Variants in LMO4 observed in about 807,000 individuals in gnomAD.
LMO4 encodes LIM domain transcription factor LMO4.
LMO4 carries 3 observed loss-of-function variants against 18.5 expected under a neutral mutation model. That is an observed-to-expected ratio of 0.16 (90% CI 0.07 to 0.42). The LOEUF (loss-of-function observed/expected upper bound fraction) is 0.42, where lower values mean the gene tolerates loss of function less well. Ranked by LOEUF, LMO4 falls within the 10% of genes least tolerant of loss-of-function variation. LMO4 has a pLI of 0.99. For synonymous variants in LMO4, 100 were observed against 88.1 expected (o/e 1.14, Z -0.76); for missense variants, 121 against 219.9 (o/e 0.55, Z 2.84).
rs532603256 is a variant in LMO4 at position 87,331,691 on chromosome 1, G to A, written c.-3-322G>A. On this transcript the variant is annotated intron_variant, in intron 1 of 4. Transcript: ENST00000370544. ...CGGGGGCTGGGAGGAGGTGCCGCGA[G>A]GGGTGGAGCGCGCAGCGGAGCCTGC... 2.3e-5 allele frequency: 8 copies of A among 353,072 alleles called. No individual in the cohort carries two copies. The South Asian group carries it at 4.0e-4, about 17-fold the overall frequency. The allele number at this position is 353,072 out of a possible 1,614,324, so 21.9% of individuals were successfully genotyped here. A position where few individuals can be genotyped will look rare whatever the true frequency, so the allele number is the denominator to read the frequency against.
At chr1:87,344,571 T>C (rs1650577887) in intron 4 of LMO4, among the ~76,000 whole-genome samples, 1 of 152,238 alleles carries the variant, frequency 6.6e-6, no homozygotes, top group South Asian at 2.1e-4. Flanking sequence ...CCATTTACTG[T>C]CTCATTTTCT....
chr1:87,339,297 G>C (rs1570653538), intron 2 of LMO4, among the ~76,000 whole-genome samples: 1 of 151,876 alleles, frequency 6.6e-6, no homozygotes, highest in East Asian at 1.9e-4. Context: ...TTTGCTAGAG[G>C]TGTAAGTCAA....
chr1:87,339,135 G>T (rs1478853760), intron 2 of LMO4, among the ~76,000 whole-genome samples: 2 of 152,054 alleles, frequency 1.3e-5, no homozygotes, highest in Non-Finnish European at 2.9e-5. Flanking sequence ...CCCTTTTGAT[G>T]ACTCATATCT....
intron 2 of LMO4, among the ~76,000 whole-genome samples, chr1:87,338,099 C>T (rs767018881): frequency 6.6e-5 from 10 of 152,168 alleles, no homozygotes; most frequent in Admixed American, 3.3e-4. Flanking sequence ...CTCTCCCTGT[C>T]GTTCAGTCAA....
intron 2 of LMO4, among the ~76,000 whole-genome samples, chr1:87,337,806 T>C (rs112704217): frequency 0.018 from 2,717 of 152,088 alleles, 45 homozygotes; most frequent in Middle Eastern, 0.078. Context: ...CACCGGGAGG[T>C]CCTCATCAGT....
chr1:87,330,237 A>G (rs964196881), intron 1 of LMO4, among the ~76,000 whole-genome samples: 1 of 151,976 alleles, frequency 6.6e-6, no homozygotes, highest in Non-Finnish European at 1.5e-5. Flanking sequence ...CTCACTAAAG[A>G]TGGGGGCGGG....
chr1:87,330,688 T>C (rs1161101402), intron 1 of LMO4, among the ~76,000 whole-genome samples: 4 of 152,192 alleles, frequency 2.6e-5, no homozygotes, highest in African/African-American at 4.8e-5. Context: ...AAGTTCGCCT[T>C]CTTCTGAGGT....
chr1:87,336,882 G>A (rs959777910), intron 2 of LMO4, among the ~76,000 whole-genome samples: 1 of 152,132 alleles, frequency 6.6e-6, no homozygotes, highest in Non-Finnish European at 1.5e-5. Flanking sequence ...ACTTAATTGA[G>A]CACCTAAAGC....
chr1:87,332,558 C>T (rs1407890029), intron 2 of LMO4, among the ~76,000 whole-genome samples: 1 of 152,236 alleles, frequency 6.6e-6, no homozygotes, highest in African/African-American at 2.4e-5. Flanking sequence ...TACTGGACTT[C>T]AGGCTAAAAG....
chr1:87,333,846 CTG>C (rs780110034), intron 2 of LMO4, among the ~76,000 whole-genome samples: 36 of 151,482 alleles, frequency 2.4e-4, no homozygotes, highest in Non-Finnish European at 4.3e-4. Flanking sequence ...GAAAGCAAAA[CTG>C]TGGTAAGAAA....
chr1:87,331,039 C>T lies in LMO4; in HGVS notation c.-3-974C>T, dbSNP rs956921830. Among the ~76,000 whole-genome samples, 4 of 133,828 alleles carry T rather than the reference C, an allele frequency of 3.0e-5. No homozygotes were observed. The East Asian group carries it at 7.1e-4, about 24-fold the overall frequency. 87.8% of individuals were successfully genotyped at this position (133,828 alleles called of 152,430 possible). A position where few individuals can be genotyped will look rare whatever the true frequency, so the allele number is the denominator to read the frequency against. On this transcript the variant is annotated intron_variant, in intron 1 of 4. Coordinates refer to ENST00000370544, the MANE Select transcript of LMO4 (RefSeq NM_006769.4). ...TGTGCATCCCTTAATGGTGCCTTCT[C>T]GCACATTATCTGTAACGCCGCCCGC...
chr1:87,330,189 G>C (rs1650094045), intron 1 of LMO4, among the ~76,000 whole-genome samples: 1 of 146,100 alleles, frequency 6.8e-6, no homozygotes, highest in Non-Finnish European at 1.5e-5. Flanking sequence ...TCAGTGTAAT[G>C]TTTCCTTTTC....
intron 2 of LMO4, among the ~76,000 whole-genome samples, chr1:87,334,744 A>G (rs1478444482): frequency 2.6e-5 from 4 of 152,006 alleles, no homozygotes; most frequent in African/African-American, 9.7e-5. Flanking sequence ...GGGCGCTTTC[A>G]CCAGTCCCCT....
rs375871049 is a variant in LMO4, at chr1:87,344,771, G to C, written c.490-17G>C. 3 of 1,613,532 alleles carry C rather than the reference G, an allele frequency of 1.9e-6. No homozygotes were observed. The East Asian group carries it at 6.7e-5, about 36-fold the overall frequency. On this transcript the variant is annotated splice_polypyrimidine_tract_variant and intron_variant, in intron 4 of 4. Coordinates refer to ENST00000370544, the MANE Select transcript of LMO4 (RefSeq NM_006769.4). ...ATTTAGCATTTTAGCTAAGATGCCC[G>C]TTTTTATTTCTTGCAGGTCTGCTAA...
chr1:87,331,566 CG>C (rs1650147603), intron 1 of LMO4: 1 of 174,188 alleles, frequency 5.7e-6, no homozygotes, highest in Non-Finnish European at 1.2e-5. Context: ...CGGGGCCCGG[CG>C]GGGGCTGGGG....
intron 2 of LMO4, among the ~76,000 whole-genome samples, chr1:87,336,844 A>G (rs1650328977): frequency 6.6e-6 from 1 of 152,186 alleles, no homozygotes; most frequent in Non-Finnish European, 1.5e-5. Context: ...AAAAGAGCCC[A>G]TTATAGTCCA....
At chr1:87,333,683 G>A (rs1324152339) in intron 2 of LMO4, among the ~76,000 whole-genome samples, 1 of 152,128 alleles carries the variant, frequency 6.6e-6, no homozygotes, top group Non-Finnish European at 1.5e-5. Context: ...GGAAGGGAGA[G>A]GGCTTTTATT....
intron 4 of LMO4, among the ~76,000 whole-genome samples, chr1:87,341,062 C>T (rs1650460324): frequency 6.6e-6 from 1 of 152,156 alleles, no homozygotes. Flanking sequence ...AACTGCTGTG[C>T]CTAATTTGTA....
chr1:87,332,150 C>T lies in LMO4; in HGVS notation c.135C>T (p.Ser45=). 6.2e-7 allele frequency: 1 copy of T among 1,614,194 alleles called. No individual in the cohort carries two copies. The highest frequency in any genetic ancestry group is 1.1e-5 in the South Asian group (1 of 91,086). The change falls in exon 2 of 5, where the codon AGC becomes AGT. Residue 45 remains serine, a synonymous_variant. Coordinates refer to ENST00000370544, the MANE Select transcript of LMO4 (RefSeq NM_006769.4). The part of the protein sequence containing the change: ...LLYAMDSYWH[S]RCLKCSCCQA... ...ATGCCATGGACAGCTATTGGCACAGCCGGTGCCTCAAGTGCTCCTGCTGCC... is the reference window on the plus strand; with the variant it reads ...ATGCCATGGACAGCTATTGGCACAGTCGGTGCCTCAAGTGCTCCTGCTGCC...
Sources: allele counts gnomAD v4.1 joint callset (sites outside exome capture counted in the v4.1 genomes callset), GRCh38; gene constraint gnomAD v4.1.1; transcripts MANE v1.5; gene names NCBI Gene and HGNC (gene_info 2026-07-23, HGNC 2026-07-21).